The following RAB9B variants were observed in gnomAD, a reference collection of about 807,000 sequenced individuals.
RAB9B encodes the protein ras-related protein Rab-9B.
In RAB9B, 1 loss-of-function variant was observed where a neutral mutation model predicts 8.9. That is an observed-to-expected ratio of 0.11 (90% CI 0.04 to 0.53). The LOEUF (loss-of-function observed/expected upper bound fraction) is 0.53. Ranked by LOEUF, RAB9B falls within the 20% of genes least tolerant of loss-of-function variation. The pLI is 0.93. For synonymous variants in RAB9B, 63 were observed against 57.0 expected, an observed-to-expected ratio of 1.10 and a Z score of -0.47; for missense variants, 82 against 152.9, an observed-to-expected ratio of 0.54 and a Z score of 2.45.
chrX:103,785,513 G>T, the RAB9B span: 34 of 941,872 alleles, frequency 3.6e-5, no homozygotes, highest in East Asian at 1.0e-3. Flanking sequence ...ACAGGGCCTG[G>T]CAGAGGGGTT....
chrX:103,788,542 G>T, the RAB9B span: 1 of 1,028,243 alleles, frequency 9.7e-7, no homozygotes, highest in African/African-American at 1.8e-5. Context: ...TTTTACAAGG[G>T]AGTAGCTAAT....
At chrX:103,803,482 G>T in the RAB9B span, among the ~76,000 whole-genome samples, 90 of 112,474 alleles carry the variant, frequency 8.0e-4, no homozygotes, top group African/African-American at 2.8e-3. Context: ...TGTACTTATG[G>T]TCCATTTGTA....
the RAB9B span, among the ~76,000 whole-genome samples, chrX:103,795,546 G>A: frequency 8.9e-6 from 1 of 111,950 alleles, no homozygotes; most frequent in East Asian, 2.8e-4. Flanking sequence ...AATTCTAGTT[G>A]ATGATGAATT....
chrX:103,788,291 T>C, the RAB9B span: 6 of 565,286 alleles, frequency 1.1e-5, no homozygotes, highest in East Asian at 2.0e-4. Context: ...TTTGTAAACC[T>C]GTAGAAAAGA....
the RAB9B span, among the ~76,000 whole-genome samples, chrX:103,808,404 A>G: frequency 8.9e-6 from 1 of 111,921 alleles, no homozygotes; most frequent in Admixed American, 9.4e-5. Flanking sequence ...GTTCTCCAGA[A>G]CTTGGTTTGT....
At chrX:103,798,439 C>G in the RAB9B span, among the ~76,000 whole-genome samples, 3 of 111,231 alleles carry the variant, frequency 2.7e-5, no homozygotes, top group East Asian at 5.6e-4. Context: ...TTTAAACTGC[C>G]CTTGGCTCGA....
chrX:103,830,456 G>A (rs940119431), intron 1 of RAB9B, among the ~76,000 whole-genome samples: 21 of 111,390 alleles, frequency 1.9e-4, no homozygotes, highest in African/African-American at 6.2e-4. Flanking sequence ...GTCCTCTGTC[G>A]GGCGAGCATT....
In RAB9B at chrX:103,823,229, G is replaced by A. The variant is rs769493177; in HGVS notation, c.*1950C>T. ...ACATGATTGTAGCAAAATGATCACA[G>A]AACTTGGAAACCAGTGTGGCTGGCT... On this transcript the variant is annotated 3_prime_UTR_variant, in exon 3 of 3. Transcript: ENST00000243298. The A allele has an allele frequency of 8.9e-6, 1 of 111,752 alleles. No homozygotes were observed. Among genetic ancestry groups the A allele is most frequent in the Non-Finnish European group, 1.9e-5 (1 of 53,179 alleles). The allele number at this position is 111,752 out of a possible 1,213,427, so 9.2% of individuals were successfully genotyped here. A position where few individuals can be genotyped will look rare whatever the true frequency, so the allele number is the denominator to read the frequency against.
the RAB9B span, among the ~76,000 whole-genome samples, chrX:103,782,242 T>C: frequency 1.8e-5 from 2 of 112,207 alleles, no homozygotes; most frequent in Admixed American, 1.9e-4. Context: ...TATTACTGAA[T>C]TGTTTATAGC....
the RAB9B span, chrX:103,788,754 T>C: frequency 2.5e-6 from 1 of 405,991 alleles, no homozygotes; most frequent in Non-Finnish European, 4.3e-6. Context: ...AAGAGAAGTT[T>C]GTAGCTTTAG....
At chrX:103,780,285 G>A in the RAB9B span, 3 of 112,620 alleles carry the variant, frequency 2.7e-5, no homozygotes, top group South Asian at 3.6e-4. Context: ...GGCTACTATT[G>A]TCTCTAGTAC....
chrX:103,785,858 C>T, the RAB9B span: 1 of 870,110 alleles, frequency 1.1e-6, no homozygotes, highest in African/African-American at 2.0e-5. Flanking sequence ...TAGTAACTAG[C>T]AGGGGACTGG....
At chrX:103,787,454 G>A in the RAB9B span, 2 of 313,607 alleles carry the variant, frequency 6.4e-6, no homozygotes, top group East Asian at 6.5e-5. Context: ...CATGTTCTAA[G>A]CTCAGCCTAA....
chrX:103,813,745 CA>C, the RAB9B span, among the ~76,000 whole-genome samples: 24 of 8,537 alleles, frequency 2.8e-3, no homozygotes, highest in South Asian at 0.013. Flanking sequence ...AAATGGAAAG[CA>C]AAAAAAAAAA....
the RAB9B span, among the ~76,000 whole-genome samples, chrX:103,800,528 C>T: frequency 5.3e-4 from 59 of 111,633 alleles, no homozygotes; most frequent in Admixed American, 6.7e-4. Context: ...CCCTCACCCT[C>T]ATTTCAAACT....
the RAB9B span, chrX:103,787,458 A>T: frequency 3.1e-6 from 1 of 319,528 alleles, no homozygotes; most frequent in Non-Finnish European, 5.5e-6. Context: ...TTCTAAGCTC[A>T]GCCTAAGGCA....
chrX:103,817,704 T>C (rs2074645086), downstream of RAB9B, among the ~76,000 whole-genome samples: 1 of 110,948 alleles, frequency 9.0e-6, no homozygotes, highest in South Asian at 3.8e-4. Flanking sequence ...GAACTGTTTC[T>C]ATCTCTGCAT....
chrX:103,802,616 C>G, the RAB9B span, among the ~76,000 whole-genome samples: 17 of 111,988 alleles, frequency 1.5e-4, no homozygotes, highest in African/African-American at 5.5e-4. Flanking sequence ...AAACTCATAT[C>G]ACCAGCTATC....
At chrX:103,806,921 CTA>C in the RAB9B span, among the ~76,000 whole-genome samples, 3 of 111,579 alleles carry the variant, frequency 2.7e-5, no homozygotes, top group Non-Finnish European at 5.6e-5. Flanking sequence ...AAAACATTGA[CTA>C]TTTGATAATA....
Sources: gnomAD v4.1 joint callset for allele counts (sites outside exome capture counted in the v4.1 genomes callset) on GRCh38, gnomAD v4.1.1 for gene constraint, MANE v1.5 for transcripts, NCBI Gene and HGNC (gene_info 2026-07-23, HGNC 2026-07-21) for gene names.